Variants in GABRB1 observed in about 807,000 individuals in gnomAD.
GABRB1 encodes the protein gamma-aminobutyric acid receptor subunit beta-1.
Under a neutral mutation model 51.6 loss-of-function variants are expected in GABRB1, and 17 were observed. The observed-to-expected ratio is 0.33, with a 90% CI of 0.23 to 0.49. GABRB1 has a LOEUF of 0.49. GABRB1 is among the 20% of genes least tolerant of loss of function. The pLI is 0.99. For synonymous variants in GABRB1, 247 were observed against 218.9 expected (o/e 1.13, Z -1.14); for missense variants, 410 against 600.6 (o/e 0.68, Z 3.32).
intron 5 of GABRB1, among the ~76,000 whole-genome samples, chr4:47,350,068 G>T (rs573749867): frequency 1.3e-5 from 2 of 151,466 alleles, no homozygotes; most frequent in African/African-American, 2.4e-5. Flanking sequence ...CAAAGTGACT[G>T]CAATATGCTT....
intron 4 of GABRB1, among the ~76,000 whole-genome samples, chr4:47,198,958 G>T (rs980796903): frequency 6.6e-6 from 1 of 152,112 alleles, no homozygotes; most frequent in Non-Finnish European, 1.5e-5. Context: ...GAGAATTCAC[G>T]CACTATCATG....
chr4:47,017,036 G>A lies in GABRB1; in HGVS notation c.-19-14878G>A, dbSNP rs147511401. ...TAACAAACTTTTAAAAGCAGAACTT[G>A]AGAATGCAAAAATTAATACTCTTCT... On this transcript the variant is annotated intron_variant, in intron 1 of 3. Transcript: ENST00000513567. Among the ~76,000 whole-genome samples, 1,209 of 152,286 alleles carry A rather than the reference G, an allele frequency of 7.9e-3. 13 individuals are homozygous for A. The highest frequency in any genetic ancestry group is 0.026 in the African/African-American group (1,084 of 41,564).
At chr4:47,121,761 T>A (rs907073366) in intron 3 of GABRB1, among the ~76,000 whole-genome samples, 1 of 152,212 alleles carries the variant, frequency 6.6e-6, no homozygotes, top group Non-Finnish European at 1.5e-5. Context: ...AATTATTTTA[T>A]GCAAATTAAA....
At chr4:47,032,712 G>T in intron 3 of GABRB1, 1 of 707,266 alleles carries the variant, frequency 1.4e-6, no homozygotes, top group South Asian at 1.5e-5. Flanking sequence ...GCACTATTTT[G>T]GGAAGGACGA....
chr4:47,259,020 A>T (rs1195596462), intron 4 of GABRB1, among the ~76,000 whole-genome samples: 1 of 152,138 alleles, frequency 6.6e-6, no homozygotes, highest in Non-Finnish European at 1.5e-5. Flanking sequence ...ATGTCCATCC[A>T]TATGCAGTTG....
intron 1 of GABRB1, among the ~76,000 whole-genome samples, chr4:46,997,295 C>A (rs1419302352): frequency 2.0e-5 from 3 of 151,898 alleles, no homozygotes; most frequent in Admixed American, 1.3e-4. Context: ...TACATAGTTA[C>A]CTTTTTGTGT....
At chr4:47,193,303 G>T (rs979439521) in intron 4 of GABRB1, among the ~76,000 whole-genome samples, 7 of 152,114 alleles carry the variant, frequency 4.6e-5, no homozygotes, top group African/African-American at 9.7e-5. Context: ...TGCATTTTTA[G>T]TAGAGACAGG....
rs1453354336 is a variant in GABRB1, at chr4:47,425,656, T to C, written c.1081-18T>C. Reference sequence around the variant, plus strand: ...AGGTCCTGCAACTTGTGTCCGAGCCTGTTCTTTTTGCCATCAGGTCGACGC... The same window carrying C: ...AGGTCCTGCAACTTGTGTCCGAGCCCGTTCTTTTTGCCATCAGGTCGACGC... On this transcript the variant is annotated intron_variant, in intron 8 of 8. Coordinates refer to ENST00000295454, the MANE Select transcript of GABRB1 (RefSeq NM_000812.4). 1 of 1,570,514 alleles carries C rather than the reference T, an allele frequency of 6.4e-7. No homozygotes were observed. The highest frequency in any genetic ancestry group is 8.6e-7 in the Non-Finnish European group (1 of 1,156,220).
rs575334656 is a variant in GABRB1, at chr4:47,291,290, T to A, written c.462-28837T>A. Reference sequence around the variant, plus strand: ...CCGGCGGGTGCACAGAGGTCAAGAATTGAGGTATGGGAACCTCTGCCTAGA... The same window carrying A: ...CCGGCGGGTGCACAGAGGTCAAGAAATGAGGTATGGGAACCTCTGCCTAGA... On this transcript the variant is annotated intron_variant, in intron 4 of 8. Transcript: ENST00000295454. 5.9e-5 allele frequency among the ~76,000 whole-genome samples: 9 copies of A among 152,280 alleles called. No individual in the cohort carries two copies. In the East Asian group the frequency reaches 1.5e-3, roughly 26 times the overall value.
intron 4 of GABRB1, among the ~76,000 whole-genome samples, chr4:47,230,542 T>A (rs556115409): frequency 8.7e-4 from 132 of 152,156 alleles, no homozygotes; most frequent in African/African-American, 3.1e-3. Context: ...GTTTCAGTTC[T>A]GATCTAAGCA....
chr4:47,241,323 T>A (rs1277695169), intron 4 of GABRB1, among the ~76,000 whole-genome samples: 1 of 152,160 alleles, frequency 6.6e-6, no homozygotes, highest in East Asian at 1.9e-4. Flanking sequence ...TCATTCCTTC[T>A]TTTCCCCCTA....
chr4:47,403,376 T>G lies in GABRB1; in HGVS notation c.603T>G (p.Thr201=). 6.2e-7 allele frequency: 1 copy of G among 1,614,044 alleles called. No individual in the cohort carries two copies. Among genetic ancestry groups the G allele is most frequent in the Non-Finnish European group, 8.5e-7 (1 of 1,179,894 alleles). ...GGAATGGAGGAGAAGGGGCAGTCAC[T>G]GGTGTTAATAAAATCGAACTTCCTC... ...FYWNGGEGAV[T]GVNKIELPQF... is the part of the protein sequence containing the mutation. Residue 201 remains threonine, a synonymous_variant, in exon 6 of 9, where the codon ACT becomes ACG. Coordinates refer to ENST00000295454, the MANE Select transcript of GABRB1 (RefSeq NM_000812.4).
At chr4:47,283,409 A>T (rs1404407458) in intron 4 of GABRB1, among the ~76,000 whole-genome samples, 1 of 81,318 alleles carries the variant, frequency 1.2e-5, no homozygotes, top group African/African-American at 4.7e-5. Context: ...TTTTTGAGAC[A>T]GAGTCTCAGT....
At chr4:47,080,468 T>C (rs1577889555) in intron 3 of GABRB1, among the ~76,000 whole-genome samples, 1 of 152,178 alleles carries the variant, frequency 6.6e-6, no homozygotes, top group East Asian at 1.9e-4. Context: ...AATTATGAAG[T>C]ATTAAGTGTC....
chr4:47,303,229 C>G (rs528047948), intron 4 of GABRB1, among the ~76,000 whole-genome samples: 1 of 151,736 alleles, frequency 6.6e-6, no homozygotes, highest in Non-Finnish European at 1.5e-5. Context: ...GAAATCACAG[C>G]CTTCTTGCAG....
At chr4:47,267,278 T>C (rs1255104531) in intron 4 of GABRB1, among the ~76,000 whole-genome samples, 2 of 152,082 alleles carry the variant, frequency 1.3e-5, no homozygotes, top group Admixed American at 1.3e-4. Flanking sequence ...ACAAATGGTA[T>C]GTTGTTTTTA....
intron 5 of GABRB1, among the ~76,000 whole-genome samples, chr4:47,378,718 T>C (rs1427233647): frequency 2.0e-5 from 3 of 152,126 alleles, no homozygotes; most frequent in Admixed American, 2.0e-4. Flanking sequence ...ACTCCTGACC[T>C]CAGGTGATCC....
At chr4:47,185,340 T>A (rs183571155) in intron 4 of GABRB1, among the ~76,000 whole-genome samples, 1 of 151,864 alleles carries the variant, frequency 6.6e-6, no homozygotes, top group Non-Finnish European at 1.5e-5. Flanking sequence ...CTTCTCTTAG[T>A]CCTTTTCCTT....
At chr4:47,182,548 T>A (rs1311449596) in intron 4 of GABRB1, among the ~76,000 whole-genome samples, 2 of 151,978 alleles carry the variant, frequency 1.3e-5, no homozygotes, top group Non-Finnish European at 2.9e-5. Flanking sequence ...GCATAGTGAA[T>A]AGATTTATTG....
Sources: allele counts gnomAD v4.1 joint callset (sites outside exome capture counted in the v4.1 genomes callset), GRCh38; gene constraint gnomAD v4.1.1; transcripts MANE v1.5; gene names NCBI Gene and HGNC (gene_info 2026-07-23, HGNC 2026-07-21).